The following EXOC6B variants were observed in gnomAD, a reference collection of about 807,000 sequenced individuals.
EXOC6B encodes the protein exocyst complex component 6B.
In EXOC6B, 54 loss-of-function variants were observed where a neutral mutation model predicts 113.5. The ratio of observed to expected loss-of-function variants is 0.48; its 90% CI spans 0.38 to 0.60. The LOEUF is 0.60. EXOC6B is among the 20% of genes least tolerant of loss of function. The pLI is 0.00. For synonymous variants in EXOC6B, 357 were observed against 339.0 expected, an observed-to-expected ratio of 1.05 and a Z score of -0.58; for missense variants, 797 against 977.5, an observed-to-expected ratio of 0.82 and a Z score of 2.46.
At chr2:72,313,403 A>G (rs867143967) in intron 20 of EXOC6B, among the ~76,000 whole-genome samples, 1 of 152,214 alleles carries the variant, frequency 6.6e-6, no homozygotes, top group African/African-American at 2.4e-5. Context: ...CATTACTTAT[A>G]TAACAAAAAA....
At chr2:72,688,572 G>C (rs1677255012) in intron 6 of EXOC6B, among the ~76,000 whole-genome samples, 1 of 152,116 alleles carries the variant, frequency 6.6e-6, no homozygotes, top group African/African-American at 2.4e-5. Context: ...GAGGAGAGAA[G>C]AGGTGGTATT....
chr2:72,299,431 T>C (rs1686359284), intron 20 of EXOC6B, among the ~76,000 whole-genome samples: 1 of 152,016 alleles, frequency 6.6e-6, no homozygotes, highest in South Asian at 2.1e-4. Context: ...CTAACCTTTT[T>C]TTAAGGTTTT....
At position 72,822,724 on chromosome 2, in the gene EXOC6B, C is replaced by T. The variant is rs542892612; in HGVS notation, c.113+3074G>A. ...CTGCTCTCAATTTACTTTCTGTGTT[C>T]GTTAGTTTCTCTTCAGCTAGAAAAC... On this transcript the variant is annotated intron_variant, in intron 1 of 21. Transcript: ENST00000272427. Among the ~76,000 whole-genome samples, 160 of 152,048 alleles carry T rather than the reference C, an allele frequency of 1.1e-3. 1 individual carries two copies. Among genetic ancestry groups the T allele is most frequent in the Middle Eastern group, 6.8e-3 (2 of 294 alleles).
intron 5 of EXOC6B, among the ~76,000 whole-genome samples, 158 bp from the exon 6 acceptor site, chr2:72,718,465 T>C (rs778703590): frequency 2.6e-5 from 4 of 152,210 alleles, no homozygotes; most frequent in Non-Finnish European, 5.9e-5. Flanking sequence ...TAAAAACTAA[T>C]ACATACTTTA....
intron 1 of EXOC6B, among the ~76,000 whole-genome samples, chr2:72,787,937 G>C (rs1279617454): frequency 6.6e-6 from 1 of 152,168 alleles, no homozygotes; most frequent in Admixed American, 6.5e-5. Flanking sequence ...CTAGGTAAGA[G>C]AGACATGAAT....
At chr2:72,413,930 C>A (rs1456399049) in intron 18 of EXOC6B, among the ~76,000 whole-genome samples, 1 of 152,150 alleles carries the variant, frequency 6.6e-6, no homozygotes, top group East Asian at 1.9e-4. Context: ...GACCTACAAT[C>A]TTGTTGACTA....
chr2:72,413,319 G>A (rs1437931311), intron 18 of EXOC6B, among the ~76,000 whole-genome samples: 1 of 151,892 alleles, frequency 6.6e-6, no homozygotes, highest in African/African-American at 2.4e-5. Context: ...TTACAACACA[G>A]GTTTCTAGGC....
At chr2:72,359,924 T>C (rs1690203247) in intron 19 of EXOC6B, among the ~76,000 whole-genome samples, 1 of 152,120 alleles carries the variant, frequency 6.6e-6, no homozygotes, top group Admixed American at 6.5e-5. Flanking sequence ...CTTCTCTTGC[T>C]GGTTCTCTTG....
At chr2:72,795,626 G>A (rs1379632249) in intron 1 of EXOC6B, among the ~76,000 whole-genome samples, 1 of 152,010 alleles carries the variant, frequency 6.6e-6, no homozygotes, top group African/African-American at 2.4e-5. Context: ...CAAAAAAACT[G>A]CCCCTTTTCT....
chr2:72,533,502 A>T (rs1401943962), intron 8 of EXOC6B, among the ~76,000 whole-genome samples: 2 of 152,236 alleles, frequency 1.3e-5, no homozygotes, highest in East Asian at 3.8e-4. Flanking sequence ...TCATAAGGCA[A>T]CACTCCCAAT....
At chr2:72,401,545 G>GTA (rs2105164593) in intron 18 of EXOC6B, among the ~76,000 whole-genome samples, 1 of 10,534 alleles carries the variant, frequency 9.5e-5, no homozygotes, top group Admixed American at 1.5e-3. Context: ...ATATATATAT[G>GTA]TGTATATATA....
At chr2:72,669,705 T>C (rs1675659522) in intron 6 of EXOC6B, among the ~76,000 whole-genome samples, 1 of 152,246 alleles carries the variant, frequency 6.6e-6, no homozygotes. Context: ...CGGGAAAGCA[T>C]GTGTTGAGAA....
At chr2:72,649,455 G>T (rs1168600893) in intron 6 of EXOC6B, among the ~76,000 whole-genome samples, 1 of 151,906 alleles carries the variant, frequency 6.6e-6, no homozygotes, top group Non-Finnish European at 1.5e-5. Context: ...GGATCAAAAT[G>T]TCTCACGTAT....
At chr2:72,445,975 A>T (rs1206045781) in intron 18 of EXOC6B, among the ~76,000 whole-genome samples, 2 of 152,228 alleles carry the variant, frequency 1.3e-5, no homozygotes, top group African/African-American at 4.8e-5. Context: ...GACTATTATT[A>T]AAAAGTAAAC....
At chr2:72,659,935 T>G (rs1674885770) in intron 6 of EXOC6B, among the ~76,000 whole-genome samples, 1 of 152,134 alleles carries the variant, frequency 6.6e-6, no homozygotes, top group Non-Finnish European at 1.5e-5. Flanking sequence ...CTTAAAATCT[T>G]TAGCTTACAA....
At chr2:72,207,787 T>C (rs1263027121) in intron 20 of EXOC6B, among the ~76,000 whole-genome samples, 2 of 152,198 alleles carry the variant, frequency 1.3e-5, no homozygotes, top group African/African-American at 2.4e-5. Context: ...ATCATCTCAA[T>C]GATCCCTTTC....
At chr2:72,223,839 G>C (rs1002365671) in intron 20 of EXOC6B, among the ~76,000 whole-genome samples, 2 of 152,184 alleles carry the variant, frequency 1.3e-5, no homozygotes, top group African/African-American at 4.8e-5. Context: ...GATTTGTCTT[G>C]TCTGACCACC....
At chr2:72,370,621 G>A (rs574450223) in intron 19 of EXOC6B, among the ~76,000 whole-genome samples, 66 of 152,082 alleles carry the variant, frequency 4.3e-4, no homozygotes, top group Non-Finnish European at 7.9e-4. Context: ...CCAAATGTCC[G>A]ACAATGATAG....
chr2:72,723,931 C>T lies in EXOC6B; in HGVS notation c.465-5624G>A, dbSNP rs973554158. On this transcript the variant is annotated intron_variant, in intron 5 of 21. Coordinates refer to ENST00000272427, the MANE Select transcript of EXOC6B (RefSeq NM_015189.3). ...ACAAACAAGGTGAGTTTAATAATTA[C>T]CAGGATTATCTACCTAAAGTTGACT... is the stretch of plus-strand genomic sequence containing the variant. Among the ~76,000 whole-genome samples the T allele has an allele frequency of 3.9e-5, 6 of 152,136 alleles. 1 individual carries two copies. Among genetic ancestry groups the T allele is most frequent in the Admixed American group, 1.3e-4 (2 of 15,280 alleles).
Sources: allele counts gnomAD v4.1 joint callset (sites outside exome capture counted in the v4.1 genomes callset), GRCh38; gene constraint gnomAD v4.1.1; transcripts MANE v1.5; gene names NCBI Gene and HGNC (gene_info 2026-07-23, HGNC 2026-07-21).